TM4SF18: variants seen among roughly 807,000 people sequenced by gnomAD.
The protein encoded by TM4SF18 is transmembrane 4 L six family member 18.
Under a neutral mutation model 23.8 loss-of-function variants are expected in TM4SF18, and 22 were observed. The ratio of observed to expected loss-of-function variants is 0.92; its 90% CI spans 0.66 to 1.32. TM4SF18 has a LOEUF of 1.32. Among genes scored for constraint, TM4SF18 ranks in the 40% most tolerant of loss-of-function variants. The pLI, the probability that TM4SF18 is intolerant of heterozygous loss-of-function variation, is 0.00. For missense variants in TM4SF18, 255 were observed against 240.3 expected, an observed-to-expected ratio of 1.06 and a Z score of -0.41; for synonymous variants, 87 against 87.9, an observed-to-expected ratio of 0.99 and a Z score of 0.06.
chr3:149,328,991 G>C (rs1526789), intron 3 of TM4SF18, among the ~76,000 whole-genome samples: 14 of 152,168 alleles, frequency 9.2e-5, no homozygotes, highest in Admixed American at 9.2e-4. Flanking sequence ...TTGAACATGT[G>C]AATTTTTATT....
At chr3:149,322,113 G>A in intron 5 of TM4SF18, 143 bp downstream of exon 5, 2 of 678,278 alleles carry the variant, frequency 2.9e-6, no homozygotes. Flanking sequence ...AAAAAATTGA[G>A]ATATTAGAGC....
chr3:149,333,364 C>G lies in TM4SF18; in HGVS notation c.19G>C (p.Gly7Arg), dbSNP rs143444839. The G allele has an allele frequency of 1.9e-6, 3 of 1,612,468 alleles. No individual in the cohort carries two copies. In the East Asian group the frequency reaches 6.7e-5, roughly 36 times the overall value. ...ATCAGCAAACAACTTAGGCAGCCTC[C>G]ACACTTCCGAGACCCCATTTTGCCC... is the stretch of plus-strand genomic sequence containing the variant. MGSRKCGGCLSCLLIPL... is the reference protein window; with the variant it reads MGSRKCRGCLSCLLIPL... Residue 7 changes from glycine (G) to arginine (R), a missense_variant, in exon 2 of 6, where the codon GGA becomes CGA. Gly to Arg is a moderately radical substitution (Grantham distance 125). Coordinates refer to ENST00000296059, the MANE Select transcript of TM4SF18 (RefSeq NM_138786.4).
chr3:149,327,985 G>A (rs953767645), intron 3 of TM4SF18, among the ~76,000 whole-genome samples: 1 of 152,040 alleles, frequency 6.6e-6, no homozygotes, highest in Non-Finnish European at 1.5e-5. Context: ...TGGTACCTAT[G>A]TGACAGGGCA....
At chr3:149,323,045 CG>C (rs377079714) in intron 4 of TM4SF18, among the ~76,000 whole-genome samples, 9 of 152,034 alleles carry the variant, frequency 5.9e-5, no homozygotes, top group African/African-American at 2.2e-4. Flanking sequence ...TACAGGCACC[CG>C]CCACCACGCC....
At chr3:149,323,050 C>G (rs1730850664) in intron 4 of TM4SF18, among the ~76,000 whole-genome samples, 1 of 152,012 alleles carries the variant, frequency 6.6e-6, no homozygotes, top group South Asian at 2.1e-4. Context: ...GCACCCGCCA[C>G]CACGCCCGGC....
Position 149,333,558 on chromosome 3 carries a change from G to A in TM4SF18, c.-63C>T, listed in dbSNP as rs1731143486. On this transcript the variant is annotated 5_prime_UTR_variant, in exon 1 of 6. Coordinates refer to ENST00000296059, the MANE Select transcript of TM4SF18 (RefSeq NM_138786.4). ...TTCACTTCATATTCATGAGGAGACG[G>A]GGAATTGGAATATACCCGCAGCCGA... is the stretch of plus-strand genomic sequence containing the variant. The A allele has an allele frequency of 2.1e-6, 1 of 465,462 alleles. No individual in the cohort carries two copies. Among genetic ancestry groups the A allele is most frequent in the Non-Finnish European group, 3.7e-6 (1 of 273,510 alleles). 28.8% of individuals were successfully genotyped at this position (465,462 alleles called of 1,614,324 possible).
intron 2 of TM4SF18, among the ~76,000 whole-genome samples, chr3:149,332,284 TA>T (rs1176102473): frequency 6.6e-6 from 1 of 152,162 alleles, no homozygotes; most frequent in East Asian, 1.9e-4. Context: ...ATATAATAAT[TA>T]AAAACCCCTA....
At chr3:149,324,551 C>T (rs1730888870) in intron 4 of TM4SF18, among the ~76,000 whole-genome samples, 1 of 152,202 alleles carries the variant, frequency 6.6e-6, no homozygotes, top group Admixed American at 6.5e-5. Context: ...TCCACCCAGT[C>T]CATAAGCTCC....
In TM4SF18 at chr3:149,323,041, C is replaced by T. The variant is rs530858588; in HGVS notation, c.411-605G>A. On this transcript the variant is annotated intron_variant, in intron 4 of 5. Coordinates refer to ENST00000296059, the MANE Select transcript of TM4SF18 (RefSeq NM_138786.4). Reference sequence around the variant, plus strand: ...CCTCAGCCTCCCAAGTAGCTACAGGCACCCGCCACCACGCCCGGCTAATTT... The same window carrying T: ...CCTCAGCCTCCCAAGTAGCTACAGGTACCCGCCACCACGCCCGGCTAATTT... Among the ~76,000 whole-genome samples, 71 of 152,046 alleles carry T rather than the reference C, an allele frequency of 4.7e-4. No individual in the cohort carries two copies. In the South Asian group the frequency reaches 0.014, roughly 30 times the overall value.
At chr3:149,328,926 A>G (rs1174130699) in intron 3 of TM4SF18, among the ~76,000 whole-genome samples, 1 of 152,198 alleles carries the variant, frequency 6.6e-6, no homozygotes, top group Non-Finnish European at 1.5e-5. Context: ...GACCCTTTTC[A>G]GACTATTTCT....
In TM4SF18 at chr3:149,321,303, A is replaced by G. The variant is rs16861760; in HGVS notation, c.*175T>C. On this transcript the variant is annotated 3_prime_UTR_variant, in exon 6 of 6. Transcript: ENST00000296059. ...TTCTGATGCATATTACTTAAAAAAC[A>G]TACTAAATGGAAGGGTGGTATACTT... is the stretch of plus-strand genomic sequence containing the variant. 6.8e-3 allele frequency: 3,010 copies of G among 441,934 alleles called. 77 individuals carry two copies. The highest frequency in any genetic ancestry group is 0.053 in the African/African-American group (2,622 of 49,390). The allele number at this position is 441,934 out of a possible 1,614,324, so 27.4% of individuals were successfully genotyped here.
At chr3:149,328,497 T>C (rs533181292) in intron 3 of TM4SF18, among the ~76,000 whole-genome samples, 2 of 152,358 alleles carry the variant, frequency 1.3e-5, no homozygotes, top group South Asian at 4.1e-4. Context: ...AATCAATTTT[T>C]ATTACATTTT....
Position 149,322,450 on chromosome 3 carries a change from A to G in TM4SF18, c.411-14T>C, listed in dbSNP as rs199966221. ...TCTGTAAGGAAACTGAGAGAGACCC[A>G]TGGCCAAATCTACATACTGGGTCCA... On this transcript the variant is annotated splice_polypyrimidine_tract_variant and intron_variant, in intron 4 of 5. Coordinates refer to ENST00000296059, the MANE Select transcript of TM4SF18 (RefSeq NM_138786.4). 159 of 1,608,600 alleles carry G rather than the reference A, an allele frequency of 9.9e-5. No individual in the cohort carries two copies. Among genetic ancestry groups the G allele is most frequent in the Non-Finnish European group, 1.2e-4 (140 of 1,177,458 alleles).
At chr3:149,322,206 G>T in intron 5 of TM4SF18, 50 bp downstream of exon 5, 1 of 1,500,956 alleles carries the variant, frequency 6.7e-7, no homozygotes, top group Non-Finnish European at 9.1e-7. Flanking sequence ...TGAATCCTGG[G>T]AAGTGGGGGA....
At position 149,321,409 on chromosome 3, in the gene TM4SF18, G is replaced by T; in HGVS notation, c.*69C>A. 1 of 1,243,436 alleles carries T rather than the reference G, an allele frequency of 8.0e-7. No individual in the cohort carries two copies. The highest frequency in any genetic ancestry group is 1.1e-6 in the Non-Finnish European group (1 of 894,158). 77.0% of individuals were successfully genotyped at this position (1,243,436 alleles called of 1,614,324 possible). On this transcript the variant is annotated 3_prime_UTR_variant, in exon 6 of 6. Coordinates refer to ENST00000296059, the MANE Select transcript of TM4SF18 (RefSeq NM_138786.4). Reference sequence around the variant, plus strand: ...ACCATCATTTCAATATTGCCCTCAAGTCTACACAGTTGATATAATATTTAG... The same window carrying T: ...ACCATCATTTCAATATTGCCCTCAATTCTACACAGTTGATATAATATTTAG...
chr3:149,330,513 G>T lies in TM4SF18; in HGVS notation c.178-94C>A, dbSNP rs73869760. 854 of 757,436 alleles carry T rather than the reference G, an allele frequency of 1.1e-3. 6 individuals carry two copies. The African/African-American group carries it at 0.014, about 12-fold the overall frequency. The allele number at this position is 757,436 out of a possible 1,614,324, so 46.9% of individuals were successfully genotyped here. On this transcript the variant is annotated intron_variant, in intron 2 of 5. Coordinates refer to ENST00000296059, the MANE Select transcript of TM4SF18 (RefSeq NM_138786.4). ...ACAGCGTCTTCAAGCATAGAGTCTG[G>T]GGTCAGGTAGATATGGATTTGAATC... is the stretch of plus-strand genomic sequence containing the variant.
chr3:149,331,474 G>A (rs1406761968), intron 2 of TM4SF18, among the ~76,000 whole-genome samples: 1 of 151,996 alleles, frequency 6.6e-6, no homozygotes, highest in East Asian at 1.9e-4. Context: ...AGAAATTCTG[G>A]TCTAATCTTA....
intron 3 of TM4SF18, among the ~76,000 whole-genome samples, chr3:149,326,998 G>A (rs1730964450): frequency 6.6e-6 from 1 of 152,086 alleles, no homozygotes; most frequent in South Asian, 2.1e-4. Flanking sequence ...TCACCCAGGC[G>A]GGAGTGCAGG....
At chr3:149,322,195 T>A in intron 5 of TM4SF18, 61 bp downstream of exon 5, 1 of 1,440,402 alleles carries the variant, frequency 6.9e-7, no homozygotes, top group Non-Finnish European at 9.5e-7. Flanking sequence ...AAAAGCCTCA[T>A]TGAATCCTGG....
Sources: allele counts gnomAD v4.1 joint callset (sites outside exome capture counted in the v4.1 genomes callset), GRCh38; gene constraint gnomAD v4.1.1; transcripts MANE v1.5; gene names NCBI Gene and HGNC (gene_info 2026-07-23, HGNC 2026-07-21).